SFMBT1: variants seen among roughly 807,000 people sequenced by gnomAD.
SFMBT1 encodes Scm like with four mbt domains 1, also known as scm-like with four MBT domains protein 1.
Under a neutral mutation model 108.7 loss-of-function variants are expected in SFMBT1, and 32 were observed. That is an observed-to-expected ratio of 0.29 (90% confidence interval 0.22 to 0.40). SFMBT1 has a LOEUF of 0.40. Among genes scored for constraint, SFMBT1 ranks in the 10% least tolerant of loss-of-function variants. The pLI is 1.00. For missense variants in SFMBT1, 816 were observed against 1,059.6 expected (o/e 0.77, Z 3.19); for synonymous variants, 348 against 369.5 (o/e 0.94, Z 0.67).
chr3:52,907,192 T>A lies in SFMBT1; in HGVS notation c.2208A>T (p.Ser736=). 1 of 1,614,086 alleles carries A rather than the reference T, an allele frequency of 6.2e-7. No individual in the cohort carries two copies. The highest frequency in any genetic ancestry group is 1.1e-5 in the South Asian group (1 of 91,080). The stretch of plus-strand genomic sequence containing the variant: ...CACTTTGGGTGGGAGAAGAGGAGCA[T>A]GACTTTTTTTCTGACATTTCTGATT... The part of the protein sequence containing the change: ...QEESEMSEKK[S]CSSSPTQSEI... The change falls in exon 19 of 21, where the codon TCA becomes TCT. Residue 736 remains serine (S), a synonymous_variant. Transcript: ENST00000394752.
At chr3:53,016,311 G>A (rs1053500109) in intron 1 of SFMBT1, among the ~76,000 whole-genome samples, 19 of 152,096 alleles carry the variant, frequency 1.2e-4, no homozygotes, top group Non-Finnish European at 2.6e-4. Context: ...ATTGCGGTGC[G>A]AACCTCCAGA....
At chr3:52,964,791 C>T (rs1024685372) in intron 2 of SFMBT1, among the ~76,000 whole-genome samples, 7 of 152,146 alleles carry the variant, frequency 4.6e-5, no homozygotes, top group African/African-American at 1.7e-4. Context: ...CAGAAGAACA[C>T]AGGAACCAGT....
chr3:52,909,683 G>A (rs551061973), intron 17 of SFMBT1, among the ~76,000 whole-genome samples: 1 of 152,268 alleles, frequency 6.6e-6, no homozygotes, highest in South Asian at 2.1e-4. Flanking sequence ...TTTTAACAAG[G>A]TAAAAATCCT....
At chr3:52,984,088 T>G (rs1403651778) in intron 1 of SFMBT1, among the ~76,000 whole-genome samples, 1 of 152,168 alleles carries the variant, frequency 6.6e-6, no homozygotes, top group Non-Finnish European at 1.5e-5. Flanking sequence ...GAGCAGTATC[T>G]GGGCTGACTG....
chr3:52,986,213 A>G (rs1704910811), intron 1 of SFMBT1, among the ~76,000 whole-genome samples: 1 of 151,830 alleles, frequency 6.6e-6, no homozygotes, highest in Non-Finnish European at 1.5e-5. Context: ...TGGAGCTTGC[A>G]GGACTGGGAA....
chr3:52,944,870 T>C (rs1370991513), intron 3 of SFMBT1, among the ~76,000 whole-genome samples: 1 of 151,894 alleles, frequency 6.6e-6, no homozygotes, highest in Non-Finnish European at 1.5e-5. Context: ...CACACTAAAG[T>C]GCAGTGGTGC....
intron 1 of SFMBT1, among the ~76,000 whole-genome samples, chr3:53,045,561 G>C (rs1446786775): frequency 7.1e-6 from 1 of 141,744 alleles, no homozygotes; most frequent in Non-Finnish European, 1.6e-5. Flanking sequence ...CCCTGCAGCC[G>C]GCCGGCCGGC....
chr3:53,014,683 G>A (rs1054847919), intron 1 of SFMBT1, among the ~76,000 whole-genome samples: 8 of 152,096 alleles, frequency 5.3e-5, no homozygotes, highest in East Asian at 1.9e-4. Flanking sequence ...CTTTATTTTC[G>A]CAACACAAAA....
chr3:52,930,356 A>G lies in SFMBT1; in HGVS notation c.870T>C (p.Phe290=). 1 of 1,610,540 alleles carries G rather than the reference A, an allele frequency of 6.2e-7. No homozygotes were observed. Among genetic ancestry groups the G allele is most frequent in the Middle Eastern group, 1.7e-4 (1 of 6,054 alleles). ...KLEAVDPWSP[F]GISPATVVKV... ...TAACAACTGTAGCAGGAGAGATCCC[A>G]AAAGGAGACCAGGGGTCTACAGCTT... The change falls in exon 8 of 21, where the codon TTT becomes TTC. Residue 290 remains phenylalanine (F), a synonymous_variant. Transcript: ENST00000394752.
Position 52,905,544 on chromosome 3 carries a change from A to T in SFMBT1, c.2461-268T>A, listed in dbSNP as rs1171019914. ...ATTCCAGAGTCTCTGTCCCATAGAA[A>T]TTTAGTAAACTGACTAGCCCTGTAA... is the stretch of plus-strand genomic sequence containing the variant. On this transcript the variant is annotated intron_variant, in intron 20 of 20. Coordinates refer to ENST00000394752, the MANE Select transcript of SFMBT1 (RefSeq NM_016329.4). Among the ~76,000 whole-genome samples the T allele has an allele frequency of 3.3e-5, 5 of 152,350 alleles. No homozygotes were observed. In the East Asian group the frequency reaches 9.6e-4, roughly 29 times the overall value.
At chr3:53,024,630 G>T (rs563451174) in intron 1 of SFMBT1, among the ~76,000 whole-genome samples, 2 of 152,178 alleles carry the variant, frequency 1.3e-5, no homozygotes, top group Non-Finnish European at 2.9e-5. Context: ...AGAGGCTCCC[G>T]AAATAATCCA....
chr3:52,935,932 T>A (rs1443936437), intron 4 of SFMBT1, among the ~76,000 whole-genome samples: 1 of 152,210 alleles, frequency 6.6e-6, no homozygotes, highest in Non-Finnish European at 1.5e-5. Flanking sequence ...ATTTCATTGG[T>A]TACGTCCCTG....
intron 1 of SFMBT1, among the ~76,000 whole-genome samples, chr3:52,989,626 C>T (rs191744366): frequency 3.0e-4 from 45 of 151,910 alleles, no homozygotes; most frequent in African/African-American, 1.0e-3. Flanking sequence ...CGGCGAAATG[C>T]TGTCTCTACT....
chr3:53,045,007 C>T (rs1183297277), intron 1 of SFMBT1: 1 of 152,314 alleles, frequency 6.6e-6, no homozygotes, highest in Admixed American at 6.5e-5. Flanking sequence ...ACAGAGCAGG[C>T]CTTGCTTCCC....
At chr3:52,988,354 G>A (rs893198727) in intron 1 of SFMBT1, among the ~76,000 whole-genome samples, 1 of 152,052 alleles carries the variant, frequency 6.6e-6, no homozygotes, top group Admixed American at 6.6e-5. Flanking sequence ...TAAATATTGA[G>A]AACTTTTGGA....
chr3:53,024,411 T>A (rs972513817), intron 1 of SFMBT1, among the ~76,000 whole-genome samples: 4 of 152,182 alleles, frequency 2.6e-5, no homozygotes, highest in Non-Finnish European at 1.5e-5. Flanking sequence ...CTTGGCATGT[T>A]CCTATGTGGA....
At chr3:52,978,691 C>CA (rs1315349031) in intron 1 of SFMBT1, among the ~76,000 whole-genome samples, 8 of 151,788 alleles carry the variant, frequency 5.3e-5, no homozygotes, top group Admixed American at 2.0e-4. Flanking sequence ...TTATAATAGT[C>CA]AAAAAATAGA....
At chr3:52,948,397 T>G (rs948355823) in intron 3 of SFMBT1, among the ~76,000 whole-genome samples, 1 of 152,146 alleles carries the variant, frequency 6.6e-6, no homozygotes, top group Admixed American at 6.5e-5. Flanking sequence ...CTGGCTACCC[T>G]TGATCCACGA....
intron 1 of SFMBT1, among the ~76,000 whole-genome samples, chr3:53,023,243 A>C (rs1244716808): frequency 6.6e-6 from 1 of 152,212 alleles, no homozygotes; most frequent in Non-Finnish European, 1.5e-5. Flanking sequence ...GCCTAAACAC[A>C]GATTTACTGA....
Sources: gnomAD v4.1 joint callset for allele counts (sites outside exome capture counted in the v4.1 genomes callset) on GRCh38, gnomAD v4.1.1 for gene constraint, MANE v1.5 for transcripts, NCBI Gene and HGNC (gene_info 2026-07-23, HGNC 2026-07-21) for gene names.